PMS1: variants seen among roughly 807,000 people sequenced by gnomAD.
PMS1 encodes the protein PMS1 protein homolog 1.
Under a neutral mutation model 93.1 loss-of-function variants are expected in PMS1, and 79 were observed. The ratio of observed to expected loss-of-function variants is 0.85; its 90% CI spans 0.71 to 1.02. The LOEUF is 1.02. Ranked by LOEUF, PMS1 falls within the 50% of genes least tolerant of loss-of-function variation. The pLI, the probability that PMS1 is intolerant of heterozygous loss-of-function variation, is 0.00. For missense variants in PMS1, 1,064 were observed against 1,085.3 expected (o/e 0.98, Z 0.28); for synonymous variants, 335 against 363.4 (o/e 0.92, Z 0.89).
chr2:189,852,634 T>C, intron 6 of PMS1, 21 bp from the exon 7 acceptor site: 1 of 1,600,128 alleles, frequency 6.2e-7, no homozygotes, highest in Non-Finnish European at 8.6e-7. Flanking sequence ...TGACATTGCA[T>C]ATTCTGTAAT....
chr2:189,793,510 A>G (rs1020354954), intron 2 of PMS1, among the ~76,000 whole-genome samples: 1 of 152,154 alleles, frequency 6.6e-6, no homozygotes, highest in African/African-American at 2.4e-5. Context: ...AAGAAAGACA[A>G]TTTGTTTTTC....
chr2:189,818,212 G>T, intron 5 of PMS1, 32 bp downstream of exon 5: 2 of 1,380,462 alleles, frequency 1.4e-6, no homozygotes, highest in South Asian at 2.4e-5. Flanking sequence ...TAAGTTTCTG[G>T]GTATATGATA....
intron 11 of PMS1, among the ~76,000 whole-genome samples, chr2:189,870,548 A>T (rs75212066): frequency 0.02 from 3,109 of 152,282 alleles, 117 homozygotes; most frequent in African/African-American, 0.071. Flanking sequence ...CCATATCTGA[A>T]TTTTACAAAC....
At chr2:189,853,262 G>T (rs2106453852) in intron 7 of PMS1, among the ~76,000 whole-genome samples, 1 of 151,954 alleles carries the variant, frequency 6.6e-6, no homozygotes, top group South Asian at 2.1e-4. Flanking sequence ...TCACCATTTG[G>T]CCAGGCTGGT....
chr2:189,816,831 C>T (rs559182167), intron 4 of PMS1, among the ~76,000 whole-genome samples: 2 of 152,160 alleles, frequency 1.3e-5, no homozygotes, highest in South Asian at 2.1e-4. Context: ...GACTGATTCA[C>T]GGTAATAAAT....
intron 3 of PMS1, among the ~76,000 whole-genome samples, chr2:189,796,912 A>G (rs1456495742): frequency 6.6e-6 from 1 of 152,176 alleles, no homozygotes; most frequent in East Asian, 1.9e-4. Context: ...TTGCTATGTC[A>G]TATCATAATT....
At chr2:189,876,978 C>G (rs1361030593) in intron 12 of PMS1, among the ~76,000 whole-genome samples, 2 of 151,992 alleles carry the variant, frequency 1.3e-5, no homozygotes, top group African/African-American at 4.8e-5. Context: ...TCTACAATCA[C>G]TCTATCATGT....
At chr2:189,815,444 G>A (rs1173738823) in intron 4 of PMS1, among the ~76,000 whole-genome samples, 1 of 152,148 alleles carries the variant, frequency 6.6e-6, no homozygotes, top group Non-Finnish European at 1.5e-5. Context: ...GCTCATGAGG[G>A]CAGTTTCTCC....
At chr2:189,867,979 T>TC (rs780984649) in intron 11 of PMS1, 50 bp downstream of exon 11, 1 of 1,461,770 alleles carries the variant, frequency 6.8e-7, no homozygotes, top group Non-Finnish European at 9.6e-7. Flanking sequence ...TTAGTCTTGT[T>TC]CCAAGAGTTA....
At chr2:189,843,858 AT>A in intron 5 of PMS1, 105 bp from the exon 6 acceptor site, 3 of 964,946 alleles carry the variant, frequency 3.1e-6, no homozygotes, top group Non-Finnish European at 4.9e-6. Context: ...TGATACTGAA[AT>A]TTTAAGCTGA....
At chr2:189,845,146 C>T (rs2054148543) in intron 6 of PMS1, among the ~76,000 whole-genome samples, 1 of 152,222 alleles carries the variant, frequency 6.6e-6, no homozygotes, top group South Asian at 2.1e-4. Context: ...GCGTGAGCCA[C>T]CACGCCCAGC....
At chr2:189,850,254 G>C (rs1394754617) in intron 6 of PMS1, among the ~76,000 whole-genome samples, 4 of 152,166 alleles carry the variant, frequency 2.6e-5, no homozygotes, top group African/African-American at 9.7e-5. Flanking sequence ...TCTTGGTGTT[G>C]TGGAGGTTTA....
In PMS1 at chr2:189,818,362, C is replaced by T. The variant is rs191478965; in HGVS notation, c.582+182C>T. On this transcript the variant is annotated intron_variant, in intron 5 of 12. Coordinates refer to ENST00000441310, the MANE Select transcript of PMS1 (RefSeq NM_000534.5). ...CATGGGGCCTTTGAGGAGTGAAATT[C>T]ATGCTCTTAAAATAAAGGAGACCTC... 4.0e-4 allele frequency among the ~76,000 whole-genome samples: 61 copies of T among 152,222 alleles called. 1 individual carries two copies. The highest frequency in any genetic ancestry group is 3.7e-3 in the Admixed American group (56 of 15,290).
chr2:189,863,875 C>T lies in PMS1; in HGVS notation c.1989C>T (p.Ala663=), dbSNP rs777313675. ...AACCCACCAGCGCATGGAATTTGGCCCAGAAGCACAAGTTAAAAACCTCAT... is the reference window on the plus strand; with the variant it reads ...AACCCACCAGCGCATGGAATTTGGCTCAGAAGCACAAGTTAAAAACCTCAT... ...KIKPTSAWNL[A]QKHKLKTSLS... is the part of the protein sequence containing the mutation. Residue 663 remains alanine (A), a synonymous_variant, in exon 10 of 13, where the codon GCC becomes GCT. Transcript: ENST00000441310. 11 of 1,613,680 alleles carry T rather than the reference C, an allele frequency of 6.8e-6. No homozygotes were observed. The highest frequency in any genetic ancestry group is 7.6e-6 in the Non-Finnish European group (9 of 1,179,934).
rs1559305075 is a variant in PMS1 at position 189,854,377 on chromosome 2, CT to C, written c.1110del (p.Phe370LeufsTer38). The stretch of plus-strand genomic sequence containing the variant: ...TAGTAAAACAGCAGAAACAGATGTG[CT>C]TTTTAATAAAGTGGAATCATCTGGA... ...VLSKTAETDV[L>X]FNKVESSGKN... is the part of the protein sequence containing the mutation. On this transcript the variant is annotated frameshift_variant, in exon 9 of 13. Coordinates refer to ENST00000441310, the MANE Select transcript of PMS1 (RefSeq NM_000534.5). LOFTEE classifies it high-confidence loss of function. 6.2e-7 allele frequency: 1 copy of C among 1,602,182 alleles called. No individual in the cohort carries two copies. Among genetic ancestry groups the C allele is most frequent in the African/African-American group, 1.3e-5 (1 of 74,500 alleles).
chr2:189,843,175 A>G (rs1024389277), intron 5 of PMS1, among the ~76,000 whole-genome samples: 3 of 151,818 alleles, frequency 2.0e-5, no homozygotes, highest in Admixed American at 2.0e-4. Context: ...ATGCCACCAC[A>G]CACAGCTGAT....
intron 1 of PMS1, among the ~76,000 whole-genome samples, chr2:189,787,919 T>C (rs916616020): frequency 2.0e-5 from 3 of 152,026 alleles, no homozygotes; most frequent in African/African-American, 7.2e-5. Context: ...AAGAAGAGTA[T>C]GAAAAGAGAT....
intron 5 of PMS1, among the ~76,000 whole-genome samples, chr2:189,837,676 A>C (rs1032379160): frequency 6.6e-6 from 1 of 152,122 alleles, no homozygotes; most frequent in African/African-American, 2.4e-5. Flanking sequence ...CAGCAGTTCC[A>C]CTCATAGATC....
intron 7 of PMS1, 103 bp downstream of exon 7, chr2:189,852,880 C>A (rs2106451773): frequency 1.3e-6 from 1 of 763,528 alleles, no homozygotes; most frequent in Non-Finnish European, 2.3e-6. Context: ...AAAAGAAATA[C>A]AATGTCATTT....
Sources: gnomAD v4.1 joint callset for allele counts (sites outside exome capture counted in the v4.1 genomes callset) on GRCh38, gnomAD v4.1.1 for gene constraint, MANE v1.5 for transcripts, NCBI Gene and HGNC (gene_info 2026-07-23, HGNC 2026-07-21) for gene names.